Variants in GABRB3 observed in about 807,000 individuals in gnomAD.
The protein encoded by GABRB3 is gamma-aminobutyric acid type A receptor subunit beta3.
Under a neutral mutation model 52.1 loss-of-function variants are expected in GABRB3, and 14 were observed. The observed-to-expected ratio is 0.27, with a 90% CI of 0.18 to 0.42. The LOEUF is 0.42. Ranked by LOEUF, GABRB3 falls within the 10% of genes least tolerant of loss-of-function variation. The pLI is 1.00. For missense variants in GABRB3, 307 were observed against 609.1 expected, an observed-to-expected ratio of 0.50 and a Z score of 5.22; for synonymous variants, 260 against 232.3, an observed-to-expected ratio of 1.12 and a Z score of -1.08.
intron 3 of GABRB3, among the ~76,000 whole-genome samples, chr15:26,640,489 C>G (rs184844751): frequency 0.015 from 2,230 of 152,220 alleles, 25 homozygotes; most frequent in Middle Eastern, 0.027. Flanking sequence ...TGCACTCCAG[C>G]CTGGGCGACA....
At chr15:26,727,445 T>C (rs1889803724) in intron 3 of GABRB3, among the ~76,000 whole-genome samples, 1 of 152,364 alleles carries the variant, frequency 6.6e-6, no homozygotes, top group African/African-American at 2.4e-5. Context: ...GCCCCCGATT[T>C]GGCCATCAGG....
chr15:26,564,094 G>C (rs1031810289), intron 7 of GABRB3, among the ~76,000 whole-genome samples: 2 of 151,992 alleles, frequency 1.3e-5, no homozygotes, highest in South Asian at 2.1e-4. Flanking sequence ...CCAAAATCTG[G>C]AACGTTTTGA....
intron 3 of GABRB3, among the ~76,000 whole-genome samples, chr15:26,749,745 G>A (rs1383460569): frequency 3.3e-5 from 5 of 151,644 alleles, no homozygotes; most frequent in East Asian, 1.9e-4. Flanking sequence ...GTCCTTTCGC[G>A]GGGGCTTTTT....
chr15:26,552,324 CCTTT>C (rs763633298), intron 8 of GABRB3, among the ~76,000 whole-genome samples: 10 of 152,148 alleles, frequency 6.6e-5, no homozygotes, highest in East Asian at 1.9e-4. Flanking sequence ...ATGCATCTGT[CCTTT>C]CTGTTTTCTT....
chr15:26,637,707 G>C (rs1217535599), intron 3 of GABRB3, among the ~76,000 whole-genome samples: 1 of 152,204 alleles, frequency 6.6e-6, no homozygotes, highest in African/African-American at 2.4e-5. Flanking sequence ...ATTAGCACAG[G>C]CATGGGATAC....
intron 7 of GABRB3, among the ~76,000 whole-genome samples, chr15:26,567,333 T>C (rs1299545017): frequency 1.3e-5 from 2 of 152,242 alleles, no homozygotes; most frequent in African/African-American, 4.8e-5. Context: ...AGTTTTATCA[T>C]GCAAATATTC....
intron 3 of GABRB3, among the ~76,000 whole-genome samples, chr15:26,649,744 A>C (rs1887138256): frequency 6.6e-6 from 1 of 150,918 alleles, no homozygotes; most frequent in Admixed American, 6.6e-5. Flanking sequence ...CGATAAAAGA[A>C]TGGACGGATG....
At chr15:26,772,302 G>A (rs1891170804) in intron 3 of GABRB3, 100 bp downstream of exon 3, 2 of 1,063,856 alleles carry the variant, frequency 1.9e-6, no homozygotes, top group African/African-American at 1.6e-5. Context: ...GGGAAACTCG[G>A]CCCCGGCCGA....
chr15:26,605,473 GA>G (rs1891754503), intron 4 of GABRB3, among the ~76,000 whole-genome samples: 2 of 152,130 alleles, frequency 1.3e-5, no homozygotes, highest in Admixed American at 6.5e-5. Context: ...CATGTTTGTT[GA>G]AACCCAGTTC....
intron 3 of GABRB3, among the ~76,000 whole-genome samples, chr15:26,682,812 C>T (rs1888279993): frequency 6.6e-6 from 1 of 152,210 alleles, no homozygotes; most frequent in African/African-American, 2.4e-5. Context: ...GGCACTGCCC[C>T]TCTGTTCAGG....
At chr15:26,620,463 C>T (rs1892441193) in intron 4 of GABRB3, among the ~76,000 whole-genome samples, 1 of 152,198 alleles carries the variant, frequency 6.6e-6, no homozygotes, top group Admixed American at 6.5e-5. Context: ...CTTTCAGATA[C>T]ATCTTTTCTC....
chr15:26,661,646 A>G (rs997296063), intron 3 of GABRB3, among the ~76,000 whole-genome samples: 2 of 152,150 alleles, frequency 1.3e-5, no homozygotes, highest in African/African-American at 4.8e-5. Context: ...GGTTTCAGGT[A>G]TGGTGAGGGA....
intron 3 of GABRB3, among the ~76,000 whole-genome samples, chr15:26,747,181 T>A (rs991239020): frequency 2.0e-5 from 3 of 152,210 alleles, no homozygotes; most frequent in Admixed American, 2.0e-4. Context: ...TTTTATGCAA[T>A]CCCTGTCTTC....
intron 3 of GABRB3, among the ~76,000 whole-genome samples, chr15:26,656,327 C>T (rs1861222224): frequency 6.6e-6 from 1 of 152,162 alleles, no homozygotes; most frequent in African/African-American, 2.4e-5. Context: ...TCCTAAACTT[C>T]ATAAATAGCA....
intron 3 of GABRB3, among the ~76,000 whole-genome samples, chr15:26,713,668 G>A (rs989934156): frequency 1.3e-5 from 2 of 152,332 alleles, no homozygotes; most frequent in South Asian, 2.1e-4. Context: ...AGTGAGAACT[G>A]GTGGCCGCAA....
In GABRB3 at chr15:26,621,206, C is replaced by T. The variant is rs191027688; in HGVS notation, c.461+108G>A. The T allele has an allele frequency of 1.0e-4, 97 of 938,562 alleles. No individual in the cohort carries two copies. The highest frequency in any genetic ancestry group is 1.6e-4 in the Non-Finnish European group (93 of 570,074). The allele number at this position is 938,562 out of a possible 1,614,324, so 58.1% of individuals were successfully genotyped here. On this transcript the variant is annotated intron_variant, in intron 4 of 8. Coordinates refer to ENST00000311550, the MANE Select transcript of GABRB3 (RefSeq NM_000814.6). This position sits in a 1 kb window ranked among gnomAD's most constrained non-coding sequence, Gnocchi z 4.1. Reference sequence around the variant, plus strand: ...AGCTTTAGTGCTTCATAGATGCTTCCTAATTTATCTGAGGTCATTGCCTCA... The same window carrying T: ...AGCTTTAGTGCTTCATAGATGCTTCTTAATTTATCTGAGGTCATTGCCTCA...
intron 3 of GABRB3, among the ~76,000 whole-genome samples, chr15:26,770,333 G>A (rs1414406724): frequency 2.0e-5 from 3 of 152,100 alleles, no homozygotes; most frequent in East Asian, 1.9e-4. Flanking sequence ...AAAAAAATGC[G>A]TACAAGTATA....
chr15:26,550,746 C>T (rs563027741), intron 8 of GABRB3, among the ~76,000 whole-genome samples: 5 of 152,188 alleles, frequency 3.3e-5, no homozygotes, highest in Non-Finnish European at 7.3e-5. Context: ...ATTGCCAATA[C>T]TTTAATTTCA....
chr15:26,660,380 C>T (rs1332872205), intron 3 of GABRB3, among the ~76,000 whole-genome samples: 2 of 152,108 alleles, frequency 1.3e-5, no homozygotes, highest in African/African-American at 2.4e-5. Context: ...TTAAAACCAC[C>T]GGATCTCAGA....
Sources: gnomAD v4.1 joint callset for allele counts (sites outside exome capture counted in the v4.1 genomes callset) on GRCh38, gnomAD v4.1.1 for gene constraint, Gnocchi (gnomAD v3.1) non-coding constraint, MANE v1.5 for transcripts, NCBI Gene and HGNC (gene_info 2026-07-23, HGNC 2026-07-21) for gene names.